The following CRIM1 variants were observed in gnomAD, a reference collection of about 807,000 sequenced individuals.
The protein encoded by CRIM1 is cysteine rich transmembrane BMP regulator 1, also known as cysteine-rich motor neuron 1 protein.
A neutral mutation model predicts 116.4 loss-of-function variants in CRIM1; 32 were observed. The ratio of observed to expected loss-of-function variants is 0.27; its 90% CI spans 0.21 to 0.37. CRIM1 has a LOEUF of 0.37. Ranked by LOEUF, CRIM1 falls within the 10% of genes least tolerant of loss-of-function variation. The pLI is 1.00. For missense variants in CRIM1, 1,331 were observed against 1,354.8 expected (o/e 0.98, Z 0.28); for synonymous variants, 590 against 509.2 (o/e 1.16, Z -2.13).
intron 11 of CRIM1, 65 bp downstream of exon 11, chr2:36,513,830 C>T (rs1664858792): frequency 7.0e-7 from 1 of 1,433,842 alleles, no homozygotes; most frequent in Non-Finnish European, 9.7e-7. Flanking sequence ...GGGCCCTAGA[C>T]ACATTTGTAA....
At chr2:36,383,116 T>A (rs1489877844) in intron 1 of CRIM1, among the ~76,000 whole-genome samples, 1 of 152,226 alleles carries the variant, frequency 6.6e-6, no homozygotes, top group African/African-American at 2.4e-5. Flanking sequence ...ATTATGATCT[T>A]GAAAAATTTA....
intron 2 of CRIM1, among the ~76,000 whole-genome samples, chr2:36,436,690 G>A (rs965653263): frequency 3.9e-5 from 6 of 152,050 alleles, no homozygotes; most frequent in African/African-American, 7.2e-5. Context: ...TTTTAAAATT[G>A]GTTATGAGAC....
intron 11 of CRIM1, among the ~76,000 whole-genome samples, chr2:36,515,310 C>T (rs1404612722): frequency 6.6e-6 from 1 of 152,180 alleles, no homozygotes; most frequent in Non-Finnish European, 1.5e-5. Flanking sequence ...TTCTCTATTA[C>T]AGAGTCATGG....
chr2:36,539,399 A>G (rs1022661973), intron 14 of CRIM1, among the ~76,000 whole-genome samples: 2 of 152,130 alleles, frequency 1.3e-5, no homozygotes, highest in South Asian at 2.1e-4. Context: ...AGGAGGTAAG[A>G]GGTGGGGCAG....
chr2:36,400,294 A>T (rs1274613545), intron 2 of CRIM1, among the ~76,000 whole-genome samples: 1 of 152,160 alleles, frequency 6.6e-6, no homozygotes, highest in Non-Finnish European at 1.5e-5. Flanking sequence ...TATTGGTTGT[A>T]ATGAGGGTTA....
At chr2:36,481,740 A>G (rs1285918993) in intron 7 of CRIM1, among the ~76,000 whole-genome samples, 2 of 152,162 alleles carry the variant, frequency 1.3e-5, no homozygotes, top group African/African-American at 4.8e-5. Flanking sequence ...TATAGTTGCC[A>G]TTGTGTGGCT....
intron 1 of CRIM1, among the ~76,000 whole-genome samples, chr2:36,360,132 G>A (rs1348914705): frequency 1.3e-5 from 2 of 152,234 alleles, no homozygotes; most frequent in Non-Finnish European, 2.9e-5. Context: ...CTAAGGGGTT[G>A]AGAGCCATTT....
At chr2:36,546,451 G>T (rs116749531) in intron 15 of CRIM1, among the ~76,000 whole-genome samples, 1,561 of 152,182 alleles carry the variant, frequency 0.01, 19 homozygotes, top group African/African-American at 0.035. Flanking sequence ...AGACAATATT[G>T]CTTAGAGTTC....
intron 12 of CRIM1, among the ~76,000 whole-genome samples, chr2:36,521,530 T>C (rs895479522): frequency 6.6e-6 from 1 of 152,238 alleles, no homozygotes; most frequent in Non-Finnish European, 1.5e-5. Flanking sequence ...TTTATCAGCA[T>C]TGATTCAGTG....
chr2:36,529,242 G>A (rs1489430101), intron 13 of CRIM1: 1 of 470,394 alleles, frequency 2.1e-6, no homozygotes, highest in East Asian at 6.9e-5. Context: ...GAACCCTCTG[G>A]AGACTGCTGG....
In CRIM1 at chr2:36,438,753, C is replaced by G. The variant is rs961114639; in HGVS notation, c.506-2505C>G. 3.3e-5 allele frequency among the ~76,000 whole-genome samples: 5 copies of G among 152,162 alleles called. No individual in the cohort carries two copies. In the South Asian group the frequency reaches 1.0e-3, roughly 32 times the overall value. ...AAGGAGCTGTGCCCAGAGAAATCAG[C>G]TGATGACTCAGGATCACAGTAGTGA... On this transcript the variant is annotated intron_variant, in intron 2 of 16. Coordinates refer to ENST00000280527, the MANE Select transcript of CRIM1 (RefSeq NM_016441.3).
chr2:36,515,888 G>A (rs1411758158), intron 11 of CRIM1, among the ~76,000 whole-genome samples: 4 of 152,118 alleles, frequency 2.6e-5, no homozygotes, highest in East Asian at 1.9e-4. Flanking sequence ...TTCATTTATC[G>A]ATACTCTTTG....
chr2:36,454,990 C>T (rs966576338), intron 4 of CRIM1, among the ~76,000 whole-genome samples: 18 of 152,056 alleles, frequency 1.2e-4, no homozygotes, highest in African/African-American at 3.9e-4. Context: ...TTTTGGGCTC[C>T]GTTGTTAAAG....
At position 36,479,711 on chromosome 2, in the gene CRIM1, C is replaced by A. The variant is rs200101305; in HGVS notation, c.1372+17C>A. The A allele has an allele frequency of 1.3e-4, 213 of 1,609,076 alleles. No individual in the cohort carries two copies. Among genetic ancestry groups the A allele is most frequent in the Middle Eastern group, 1.6e-4 (1 of 6,072 alleles). ...TGTGCGAAGGTAAATCTTGCAGATG[C>A]TAATGAGTCCCTGGTGAATGTCTTC... On this transcript the variant is annotated intron_variant, in intron 7 of 16. Coordinates refer to ENST00000280527, the MANE Select transcript of CRIM1 (RefSeq NM_016441.3).
chr2:36,508,475 T>C (rs541233825), intron 8 of CRIM1, among the ~76,000 whole-genome samples: 5 of 152,328 alleles, frequency 3.3e-5, no homozygotes, highest in African/African-American at 1.2e-4. Context: ...TTCTGTGTTA[T>C]TACAATATTC....
At position 36,380,699 on chromosome 2, in the gene CRIM1, T is replaced by C. The variant is rs546882981; in HGVS notation, c.332-15915T>C. Among the ~76,000 whole-genome samples the C allele has an allele frequency of 5.9e-5, 9 of 152,340 alleles. No individual in the cohort carries two copies. The East Asian group carries it at 1.5e-3, about 26-fold the overall frequency. ...GTTGAAGTTTTGTTTGCCCTCCGAA[T>C]GAAAGTGGTATTTCTGTTCGTTAGC... On this transcript the variant is annotated intron_variant, in intron 1 of 16. Transcript: ENST00000280527.
intron 5 of CRIM1, among the ~76,000 whole-genome samples, chr2:36,474,061 C>T (rs1678761943): frequency 6.6e-6 from 1 of 152,112 alleles, no homozygotes; most frequent in Non-Finnish European, 1.5e-5. Flanking sequence ...AAATGGTGTT[C>T]ATTGCAGCTT....
Position 36,418,613 on chromosome 2 carries a change from C to T in CRIM1, c.505+21826C>T, listed in dbSNP as rs1402165282. Among the ~76,000 whole-genome samples the T allele has an allele frequency of 3.3e-5, 5 of 152,072 alleles. No individual in the cohort carries two copies. In the East Asian group the frequency reaches 5.8e-4, roughly 18 times the overall value. ...CTTGAGCTCTTTATTCTGCCATGTC[C>T]GGGTTCCCCTTTTCTATGCAATGCA... is the stretch of plus-strand genomic sequence containing the variant. On this transcript the variant is annotated intron_variant, in intron 2 of 16. Transcript: ENST00000280527.
chr2:36,433,481 A>T (rs1675056257), intron 2 of CRIM1, among the ~76,000 whole-genome samples: 1 of 152,204 alleles, frequency 6.6e-6, no homozygotes, highest in African/African-American at 2.4e-5. Flanking sequence ...GTGTTGGAAC[A>T]TGCCCTTGGC....
Sources: allele counts gnomAD v4.1 joint callset (sites outside exome capture counted in the v4.1 genomes callset), GRCh38; gene constraint gnomAD v4.1.1; transcripts MANE v1.5; gene names NCBI Gene and HGNC (gene_info 2026-07-23, HGNC 2026-07-21).